Variants in KCNIP4 observed in about 807,000 individuals in gnomAD.
KCNIP4 encodes Kv channel-interacting protein 4.
A neutral mutation model predicts 34.0 loss-of-function variants in KCNIP4; 12 were observed. The observed-to-expected ratio is 0.35, with a 90% CI of 0.23 to 0.57. KCNIP4 has a LOEUF of 0.57. KCNIP4 is among the 20% of genes least tolerant of loss of function. KCNIP4 has a pLI of 0.83. For missense variants in KCNIP4, 238 were observed against 311.7 expected (o/e 0.76, Z 1.78); for synonymous variants, 124 against 102.2 (o/e 1.21, Z -1.29).
At chr4:21,756,956 G>A (rs1263770590) in intron 1 of KCNIP4, among the ~76,000 whole-genome samples, 1 of 151,612 alleles carries the variant, frequency 6.6e-6, no homozygotes, top group African/African-American at 2.4e-5. Context: ...AATTAGCCAG[G>A]TGTGGTAGCA....
intron 3 of KCNIP4, among the ~76,000 whole-genome samples, chr4:20,831,124 T>C (rs1718381201): frequency 6.6e-6 from 1 of 152,200 alleles, no homozygotes; most frequent in Non-Finnish European, 1.5e-5. Flanking sequence ...AGTGTAAGCA[T>C]GAAACATTTT....
At chr4:21,918,201 C>A (rs1453862376) in intron 1 of KCNIP4, among the ~76,000 whole-genome samples, 5 of 151,996 alleles carry the variant, frequency 3.3e-5, no homozygotes, top group Admixed American at 6.6e-5. Context: ...GAGAAATGAA[C>A]CTACATCAGA....
At chr4:20,899,707 C>A (rs192422297) in intron 1 of KCNIP4, among the ~76,000 whole-genome samples, 3 of 152,298 alleles carry the variant, frequency 2.0e-5, no homozygotes, top group East Asian at 3.9e-4. Context: ...TCAAAGCTGG[C>A]TGGCTGAATG....
At chr4:21,184,341 C>T (rs947505874) in intron 1 of KCNIP4, among the ~76,000 whole-genome samples, 1 of 152,054 alleles carries the variant, frequency 6.6e-6, no homozygotes, top group Admixed American at 6.6e-5. Context: ...GAATCTTAGC[C>T]CTCTAGTTCA....
chr4:21,947,072 A>G (rs1265716753), intron 1 of KCNIP4, among the ~76,000 whole-genome samples: 1 of 152,172 alleles, frequency 6.6e-6, no homozygotes, highest in Non-Finnish European at 1.5e-5. Flanking sequence ...CATTCCTGCC[A>G]TCTGCTCCAG....
intron 1 of KCNIP4, among the ~76,000 whole-genome samples, chr4:21,841,934 A>C (rs1041522381): frequency 2.6e-5 from 4 of 152,148 alleles, no homozygotes; most frequent in African/African-American, 4.8e-5. Context: ...AGCAGATTAA[A>C]GGTGGCGTCC....
chr4:20,851,708 G>A (rs894717185), intron 2 of KCNIP4, among the ~76,000 whole-genome samples: 1 of 151,998 alleles, frequency 6.6e-6, no homozygotes, highest in Non-Finnish European at 1.5e-5. Flanking sequence ...GCATTTTTAA[G>A]GTATAGTTAG....
At chr4:20,834,387 G>A (rs993010933) in intron 3 of KCNIP4, among the ~76,000 whole-genome samples, 2 of 152,180 alleles carry the variant, frequency 1.3e-5, no homozygotes, top group South Asian at 2.1e-4. Flanking sequence ...AAGCCAGACA[G>A]CAGCAACTCT....
chr4:21,033,976 G>A (rs111745213), intron 1 of KCNIP4, among the ~76,000 whole-genome samples: 4,212 of 152,104 alleles, frequency 0.028, 86 homozygotes, highest in South Asian at 0.067. Context: ...ATTTTTCTGC[G>A]TGTATTGCAA....
rs1353046894 is a variant in KCNIP4 at position 21,519,855 on chromosome 4, ATATT to A, written c.61+428712_61+428715del. 1.2e-4 allele frequency among the ~76,000 whole-genome samples: 16 copies of A among 132,126 alleles called. No individual in the cohort carries two copies. In the East Asian group the frequency reaches 1.7e-3, roughly 14 times the overall value. The allele number at this position is 132,126 out of a possible 152,430, so 86.7% of individuals were successfully genotyped here. On this transcript the variant is annotated intron_variant, in intron 1 of 8. Coordinates refer to ENST00000382152, the MANE Select transcript of KCNIP4 (RefSeq NM_025221.6). ...TGTGTATGTGTGTGTATATATTTAT[ATATT>A]TATTTATATATATAAATTATATATA...
At chr4:21,440,416 T>A (rs1249905122) in intron 1 of KCNIP4, among the ~76,000 whole-genome samples, 1 of 152,262 alleles carries the variant, frequency 6.6e-6, no homozygotes, top group African/African-American at 2.4e-5. Flanking sequence ...ATTGTTTTTC[T>A]AAGTGAACAG....
chr4:21,906,290 T>G (rs992225614), intron 1 of KCNIP4, among the ~76,000 whole-genome samples: 3 of 152,160 alleles, frequency 2.0e-5, no homozygotes, highest in African/African-American at 7.2e-5. Context: ...ATCATTCTGG[T>G]GTATCTGGGT....
At chr4:20,793,383 T>G (rs1191823295) in intron 3 of KCNIP4, among the ~76,000 whole-genome samples, 2 of 152,138 alleles carry the variant, frequency 1.3e-5, no homozygotes, top group Non-Finnish European at 2.9e-5. Context: ...TCAATGGCTG[T>G]CTGTGAATGA....
chr4:21,206,058 CTG>C (rs1462973335), intron 1 of KCNIP4, among the ~76,000 whole-genome samples: 2 of 152,210 alleles, frequency 1.3e-5, no homozygotes, highest in African/African-American at 2.4e-5. Context: ...CATTCTCATC[CTG>C]TGGCTTTAAT....
chr4:21,773,475 A>C (rs1649086556), intron 1 of KCNIP4, among the ~76,000 whole-genome samples: 1 of 152,034 alleles, frequency 6.6e-6, no homozygotes, highest in Admixed American at 6.6e-5. Flanking sequence ...TATCTTTGTT[A>C]ATTTTGTTTC....
intron 1 of KCNIP4, among the ~76,000 whole-genome samples, chr4:21,231,920 G>A (rs1758813359): frequency 6.6e-6 from 1 of 152,170 alleles, no homozygotes; most frequent in Non-Finnish European, 1.5e-5. Context: ...TCAAGACATA[G>A]ATAAGTGCAT....
At chr4:21,330,203 G>T (rs1046719587) in intron 1 of KCNIP4, among the ~76,000 whole-genome samples, 1 of 152,122 alleles carries the variant, frequency 6.6e-6, no homozygotes, top group Non-Finnish European at 1.5e-5. Flanking sequence ...GAGGCATCAC[G>T]AAATATTTGA....
chr4:21,062,677 C>T (rs1251819833), intron 1 of KCNIP4, among the ~76,000 whole-genome samples: 1 of 151,914 alleles, frequency 6.6e-6, no homozygotes, highest in African/African-American at 2.4e-5. Context: ...TTTGTTTGAC[C>T]CTGAAGCCCT....
At chr4:21,362,848 T>G (rs1260472917) in intron 1 of KCNIP4, among the ~76,000 whole-genome samples, 1 of 152,146 alleles carries the variant, frequency 6.6e-6, no homozygotes, top group Non-Finnish European at 1.5e-5. Flanking sequence ...ATATGCATCC[T>G]TCCTGTCTAC....
Sources: allele counts gnomAD v4.1 joint callset (sites outside exome capture counted in the v4.1 genomes callset), GRCh38; gene constraint gnomAD v4.1.1; transcripts MANE v1.5; gene names NCBI Gene and HGNC (gene_info 2026-07-23, HGNC 2026-07-21).